The following RUBCN variants were observed in gnomAD, a reference collection of about 807,000 sequenced individuals.
The protein encoded by RUBCN is run domain Beclin-1-interacting and cysteine-rich domain-containing protein.
Under a neutral mutation model 113.2 loss-of-function variants are expected in RUBCN, and 74 were observed. The ratio of observed to expected loss-of-function variants is 0.65; its 90% CI spans 0.54 to 0.79. The LOEUF (loss-of-function observed/expected upper bound fraction) is 0.79, where lower values mean the gene tolerates loss of function less well. Ranked by LOEUF, RUBCN falls within the 30% of genes least tolerant of loss-of-function variation. The pLI is 0.00. For synonymous variants in RUBCN, 480 were observed against 490.0 expected (o/e 0.98, Z 0.27); for missense variants, 1,109 against 1,251.7 (o/e 0.89, Z 1.72).
At position 197,736,694 on chromosome 3, in the gene RUBCN, T is replaced by C; in HGVS notation, c.26A>G (p.Glu9Gly). The C allele has an allele frequency of 6.5e-7, 1 of 1,531,618 alleles. No homozygotes were observed. The highest frequency in any genetic ancestry group is 8.7e-7 in the Non-Finnish European group (1 of 1,145,832). The allele number at this position is 1,531,618 out of a possible 1,614,324, so 94.9% of individuals were successfully genotyped here. MRPEGAGM[E>G]LGGGEERLPE... ...CAGGCGCTCCTCGCCGCCTCCGAGC[T>C]CCATTCCCGCGCCCTCCGGCCGCAT... Residue 9 changes from glutamate (E) to glycine (G), a missense_variant, in exon 1 of 20, where the codon GAG becomes GGG. Physicochemically the swap from Glu to Gly is moderately conservative, Grantham distance 98. Coordinates refer to ENST00000296343, the MANE Select transcript of RUBCN (RefSeq NM_014687.4).
chr3:197,712,152 TCTC>T (rs1458179377), intron 2 of RUBCN, among the ~76,000 whole-genome samples: 1 of 152,150 alleles, frequency 6.6e-6, no homozygotes, highest in African/African-American at 2.4e-5. Flanking sequence ...TCCTTTCACT[TCTC>T]CTATTCAGCT....
chr3:197,718,716 G>A (rs1349591659), intron 1 of RUBCN, among the ~76,000 whole-genome samples: 1 of 152,160 alleles, frequency 6.6e-6, no homozygotes, highest in South Asian at 2.1e-4. Context: ...TGGGATTACA[G>A]ATGTAATCCA....
At chr3:197,693,671 G>T in intron 11 of RUBCN, 44 bp downstream of exon 11, 1 of 1,272,512 alleles carries the variant, frequency 7.9e-7, no homozygotes. Context: ...TAAATGGAAA[G>T]AAACAGAATA....
intron 1 of RUBCN, among the ~76,000 whole-genome samples, chr3:197,746,794 A>G (rs532014947): frequency 6.6e-6 from 1 of 152,324 alleles, no homozygotes; most frequent in East Asian, 1.9e-4. Context: ...GACTTAGGCG[A>G]AGCTGTGGAA....
intron 16 of RUBCN, among the ~76,000 whole-genome samples, chr3:197,680,698 G>A (rs1721121931): frequency 6.6e-6 from 1 of 152,208 alleles, no homozygotes; most frequent in Admixed American, 6.5e-5. Context: ...AGCAGTCTGG[G>A]CAGAGGAGTG....
At chr3:197,698,973 C>T (rs916946018) in intron 7 of RUBCN, among the ~76,000 whole-genome samples, 10 of 152,118 alleles carry the variant, frequency 6.6e-5, no homozygotes, top group African/African-American at 9.7e-5. Flanking sequence ...GACTCTGCCT[C>T]CCAGAAGCTG....
rs183802328 is a variant in RUBCN at position 197,708,159 on chromosome 3, G to A, written c.220-2984C>T. ...AAACAATTTTTTTTTTTTCCAAGAC[G>A]GAGTCTTGCTCTGTCACCCAGGCTG... On this transcript the variant is annotated intron_variant, in intron 2 of 19. Transcript: ENST00000296343. 3.9e-3 allele frequency among the ~76,000 whole-genome samples: 591 copies of A among 151,020 alleles called. 10 individuals carry two copies. Among genetic ancestry groups the A allele is most frequent in the African/African-American group, 0.013 (552 of 41,136 alleles).
intron 1 of RUBCN, among the ~76,000 whole-genome samples, chr3:197,745,639 T>C (rs1319321988): frequency 6.8e-6 from 1 of 147,114 alleles, no homozygotes; most frequent in African/African-American, 2.5e-5. Context: ...CAAATCAAAC[T>C]GATAAAAAGT....
chr3:197,691,087 G>A (rs1722371882), intron 11 of RUBCN: 2 of 1,289,142 alleles, frequency 1.6e-6, no homozygotes, highest in South Asian at 1.2e-5. Context: ...AGAACATCGA[G>A]GCCAGTGACA....
In RUBCN at chr3:197,681,126, T is replaced by C; in HGVS notation, c.2430+3A>G. On this transcript the variant is annotated splice_donor_region_variant and intron_variant, in intron 16 of 19. Coordinates refer to ENST00000296343, the MANE Select transcript of RUBCN (RefSeq NM_014687.4). The surrounding 1 kb of genome is among the most constrained non-coding windows in gnomAD (Gnocchi z 5.5). ...TCTAAGGTGGCCTTTTCCAAGGTCT[T>C]ACCCGGACTTGATTGAGCAGCTTGA... 1 of 1,605,070 alleles carries C rather than the reference T, an allele frequency of 6.2e-7. No individual in the cohort carries two copies. Among genetic ancestry groups the C allele is most frequent in the East Asian group, 2.2e-5 (1 of 44,742 alleles).
At chr3:197,736,091 C>G (rs1032125643) in intron 1 of RUBCN, among the ~76,000 whole-genome samples, 5 of 152,138 alleles carry the variant, frequency 3.3e-5, no homozygotes, top group African/African-American at 1.2e-4. Flanking sequence ...AGTTTCTGGT[C>G]TCATTAGCAG....
intron 11 of RUBCN, among the ~76,000 whole-genome samples, chr3:197,686,351 C>T (rs929329548): frequency 3.3e-5 from 5 of 152,032 alleles, no homozygotes; most frequent in East Asian, 1.9e-4. Context: ...AAAGTGAGGT[C>T]GGAGGTACAT....
At position 197,705,101 on chromosome 3, in the gene RUBCN, G is replaced by T; in HGVS notation, c.294C>A (p.His98Gln). The T allele has an allele frequency of 1.2e-6, 2 of 1,613,654 alleles. No homozygotes were observed. Among genetic ancestry groups the T allele is most frequent in the Non-Finnish European group, 1.7e-6 (2 of 1,179,662 alleles). Residue 98 changes from histidine to glutamine, a missense_variant, in exon 3 of 20, where the codon CAC (histidine) becomes CAA (glutamine). Around this residue, in one of 3 missense-constraint regions of RUBCN, gnomAD observed 736 missense variants for 779.6 expected, o/e 0.94. Transcript: ENST00000296343. ...IRWLSPHSAL[H>Q]VEKFISVHEN... ...CTGCTCTCACTCTTACCTTCTCCAC[G>T]TGAAGGGCTGAGTGGGGACTGAGCC...
chr3:197,687,012 G>C (rs1286341379), intron 11 of RUBCN, among the ~76,000 whole-genome samples: 1 of 152,202 alleles, frequency 6.6e-6, no homozygotes, highest in African/African-American at 2.4e-5. Context: ...GGTATTGAAC[G>C]ATCAGAGAAG....
rs1422242667 is a variant in RUBCN, at chr3:197,683,673, ACT to A, written c.1848-236_1848-235del. Among the ~76,000 whole-genome samples, 2 of 152,022 alleles carry A rather than the reference ACT, an allele frequency of 1.3e-5. No homozygotes were observed. Among genetic ancestry groups the A allele is most frequent in the Non-Finnish European group, 2.9e-5 (2 of 67,990 alleles). On this transcript the variant is annotated intron_variant, in intron 12 of 19. Transcript: ENST00000296343. The surrounding 1 kb of genome is among the most constrained non-coding windows in gnomAD (Gnocchi z 4.6). ...CACTGCACGGCACTGCTAATGAAGG[ACT>A]CTGTCACTTCCTTTCTCTGAACTTC...
chr3:197,693,944 T>C (rs1378597343), intron 10 of RUBCN, 128 bp from the exon 11 acceptor site: 3 of 712,630 alleles, frequency 4.2e-6, no homozygotes, highest in Non-Finnish European at 5.0e-6. Flanking sequence ...CTTTAGAAAG[T>C]TTCAAGTAAA....
intron 1 of RUBCN, chr3:197,747,982 A>C (rs1212678029): frequency 6.6e-6 from 1 of 150,756 alleles, no homozygotes; most frequent in African/African-American, 2.4e-5. Flanking sequence ...CCCAGGCTGG[A>C]GTGCAATGGC....
rs949957647 is a variant in RUBCN at position 197,733,521 on chromosome 3, A to T, written c.65+3134T>A. On this transcript the variant is annotated intron_variant, in intron 1 of 19. Transcript: ENST00000296343. Reference sequence around the variant, plus strand: ...AAATAAATAAAAATGATGCTATCTCATCAAGAAGACTGTTTCTGAACTGGG... The same window carrying T: ...AAATAAATAAAAATGATGCTATCTCTTCAAGAAGACTGTTTCTGAACTGGG... Among the ~76,000 whole-genome samples the T allele has an allele frequency of 7.9e-5, 12 of 152,194 alleles. 1 individual carries two copies. Among genetic ancestry groups the T allele is most frequent in the African/African-American group, 2.7e-4 (11 of 41,460 alleles).
intron 13 of RUBCN, among the ~76,000 whole-genome samples, chr3:197,682,881 G>A (rs140084456): frequency 1.1e-3 from 163 of 152,300 alleles, no homozygotes; most frequent in Middle Eastern, 6.8e-3. Context: ...AGTGAGGGCC[G>A]TGGGTTCCAA....
Sources: allele counts gnomAD v4.1 joint callset (sites outside exome capture counted in the v4.1 genomes callset), GRCh38; gene constraint gnomAD v4.1.1; regional missense constraint gnomAD v4.1.1; non-coding constraint Gnocchi (gnomAD v3.1); transcripts MANE v1.5; gene names NCBI Gene and HGNC (gene_info 2026-07-23, HGNC 2026-07-21).